The following RDX variants were observed in gnomAD, a reference collection of about 807,000 sequenced individuals.
RDX encodes radixin.
Under a neutral mutation model 83.7 loss-of-function variants are expected in RDX, and 32 were observed. That is an observed-to-expected ratio of 0.38 (90% confidence interval 0.29 to 0.51). The LOEUF (loss-of-function observed/expected upper bound fraction) is 0.51. Ranked by LOEUF, RDX falls within the 20% of genes least tolerant of loss-of-function variation. The probability of loss-of-function intolerance (pLI) is 0.87; values close to 1 mark genes in which losing one functional copy is unlikely to be tolerated. For synonymous variants in RDX, 229 were observed against 222.7 expected (o/e 1.03, Z -0.25); for missense variants, 600 against 689.9 (o/e 0.87, Z 1.46).
Position 110,181,041 on chromosome 11 carries a change from G to A in RDX, c.*32-5807C>T, listed in dbSNP as rs376726592. 1.2e-4 allele frequency among the ~76,000 whole-genome samples: 18 copies of A among 152,232 alleles called. 1 individual carries two copies. In the East Asian group the frequency reaches 3.5e-3, roughly 29 times the overall value. On this transcript the variant is annotated intron_variant, in intron 15 of 15. Coordinates refer to the RDX transcript ENST00000528498. Reference sequence around the variant, plus strand: ...ATATGATGAATGAGTGGACAAAACTGCTTCATTGCCCCATTCCAGGTATCA... The same window carrying A: ...ATATGATGAATGAGTGGACAAAACTACTTCATTGCCCCATTCCAGGTATCA...
intron 10 of RDX, among the ~76,000 whole-genome samples, chr11:110,238,498 T>A (rs996895865): frequency 6.6e-6 from 1 of 152,232 alleles, no homozygotes; most frequent in African/African-American, 2.4e-5. Flanking sequence ...AGAATTATTT[T>A]CCCTTACTGT....
At chr11:110,221,601 AACACACACACACACACACACACACAC>A (rs60766252) in intron 14 of RDX, among the ~76,000 whole-genome samples, 1 of 133,508 alleles carries the variant, frequency 7.5e-6, no homozygotes, top group African/African-American at 2.9e-5. Context: ...CTGTCTCCAA[AACACACACACACACACACACACACAC>A]ACACACACAC....
At chr11:110,234,580 T>C (rs1392423516) in intron 12 of RDX, among the ~76,000 whole-genome samples, 1 of 152,214 alleles carries the variant, frequency 6.6e-6, no homozygotes, top group Admixed American at 6.5e-5. Context: ...TTGTCTTTTG[T>C]GTGCATTTTC....
chr11:110,252,787 T>A (rs955867950), intron 9 of RDX, among the ~76,000 whole-genome samples: 1 of 149,074 alleles, frequency 6.7e-6, no homozygotes, highest in Non-Finnish European at 1.5e-5. Context: ...CTCTTTTTTT[T>A]ATTTTTATTT....
rs2134340393 is a variant in RDX, at chr11:110,247,725, C to T, written c.1068G>A (p.Glu356=). 1.2e-6 allele frequency: 2 copies of T among 1,611,928 alleles called. No homozygotes were observed. The highest frequency in any genetic ancestry group is 1.7e-6 in the Non-Finnish European group (2 of 1,179,450). The part of the protein sequence containing the change: ...ELMERLKQIE[E]QTIKAQKELE... ...TACCTTTCTGAGCTTTAATTGTCTGCTCTTCAATTTGTTTTAGACGTTCCA... is the reference window on the plus strand; with the variant it reads ...TACCTTTCTGAGCTTTAATTGTCTGTTCTTCAATTTGTTTTAGACGTTCCA... The change falls in exon 10 of 14, where the codon GAG becomes GAA. Residue 356 remains glutamate, a synonymous_variant. Coordinates refer to ENST00000645495, the MANE Select transcript of RDX (RefSeq NM_002906.4).
At chr11:110,200,692 A>C (rs1863370762) in intron 14 of RDX, among the ~76,000 whole-genome samples, 1 of 152,198 alleles carries the variant, frequency 6.6e-6, no homozygotes, top group South Asian at 2.1e-4. Context: ...AGAAACTCCA[A>C]ATTTGTCAAA....
intron 14 of RDX, among the ~76,000 whole-genome samples, chr11:110,215,049 A>AAATATAT (rs1355797892): frequency 2.1e-5 from 2 of 97,270 alleles, no homozygotes; most frequent in African/African-American, 7.3e-5. Context: ...AAAAAAAAAA[A>AAATATAT]ATATATATAT....
chr11:110,289,349 T>A (rs1384056465), intron 1 of RDX, among the ~76,000 whole-genome samples: 1 of 151,894 alleles, frequency 6.6e-6, no homozygotes, highest in Non-Finnish European at 1.5e-5. Context: ...GACAATCAAA[T>A]TAAAGGCCAG....
At position 110,255,274 on chromosome 11, in the gene RDX, A is replaced by G; in HGVS notation, c.795+15T>C. 2 of 1,326,996 alleles carry G rather than the reference A, an allele frequency of 1.5e-6. No individual in the cohort carries two copies. Among genetic ancestry groups the G allele is most frequent in the Non-Finnish European group, 1.1e-6 (1 of 921,544 alleles). The allele number at this position is 1,326,996 out of a possible 1,614,324, so 82.2% of individuals were successfully genotyped here. A position where few individuals can be genotyped will look rare whatever the true frequency, so the allele number is the denominator to read the frequency against. Reference sequence around the variant, plus strand: ...TTAAACAGTTAATACACAAAATATTAAAGAAATTACTTACAGGTGCCTTTT... The same window carrying G: ...TTAAACAGTTAATACACAAAATATTGAAGAAATTACTTACAGGTGCCTTTT... On this transcript the variant is annotated intron_variant, in intron 8 of 13. Transcript: ENST00000645495.
rs1200382154 is a variant in RDX at position 110,271,338 on chromosome 11, T to C, written c.96+1198A>G. Among the ~76,000 whole-genome samples, 6 of 152,280 alleles carry C rather than the reference T, an allele frequency of 3.9e-5. 1 individual carries two copies. The East Asian group carries it at 9.6e-4, about 24-fold the overall frequency. On this transcript the variant is annotated intron_variant, in intron 3 of 13. Coordinates refer to ENST00000645495, the MANE Select transcript of RDX (RefSeq NM_002906.4). The stretch of plus-strand genomic sequence containing the variant: ...CTAGAAACTCTTTCCTTCTTTAAGA[T>C]CAAGTTATTCTGACTACAGGCTATT...
chr11:110,219,851 T>C (rs894725899), intron 14 of RDX, among the ~76,000 whole-genome samples: 2 of 152,054 alleles, frequency 1.3e-5, no homozygotes, highest in African/African-American at 4.8e-5. Flanking sequence ...AGGGGAGAAT[T>C]TGGTTAGAGA....
At chr11:110,272,997 T>C (rs1280712034) in intron 2 of RDX, 4 of 456,706 alleles carry the variant, frequency 8.8e-6, no homozygotes, top group Non-Finnish European at 1.8e-5. Context: ...AAGGCCAAGG[T>C]GGGAGGATCT....
At chr11:110,262,758 T>C (rs1449813611) in intron 5 of RDX, among the ~76,000 whole-genome samples, 1 of 152,160 alleles carries the variant, frequency 6.6e-6, no homozygotes, top group Non-Finnish European at 1.5e-5. Flanking sequence ...TTATCCCCAC[T>C]TTGCAGATTT....
At chr11:110,287,017 C>CT (rs1297082591) in intron 1 of RDX, 1 of 152,064 alleles carries the variant, frequency 6.6e-6, no homozygotes, top group African/African-American at 2.4e-5. Flanking sequence ...AATATATATG[C>CT]TTTTTTAATA....
At chr11:110,274,110 T>G (rs1202947397) in intron 2 of RDX, among the ~76,000 whole-genome samples, 2 of 152,216 alleles carry the variant, frequency 1.3e-5, no homozygotes, top group Non-Finnish European at 2.9e-5. Flanking sequence ...AGATTCATCC[T>G]TCTTTAAAAT....
At position 110,279,706 on chromosome 11, in the gene RDX, T is replaced by A; in HGVS notation, c.-14A>T. 6.6e-7 allele frequency: 1 copy of A among 1,522,350 alleles called. No individual in the cohort carries two copies. Among genetic ancestry groups the A allele is most frequent in the East Asian group, 2.3e-5 (1 of 44,324 alleles). 94.3% of individuals were successfully genotyped at this position (1,522,350 alleles called of 1,614,324 possible). ...TGGTTTCGGCATTTTCTTTCTCTTT[T>A]TGTTACCTTCTTTAAAAATTCTCCA... On this transcript the variant is annotated 5_prime_UTR_variant, in exon 2 of 14. Coordinates refer to ENST00000645495, the MANE Select transcript of RDX (RefSeq NM_002906.4).
chr11:110,211,101 C>T (rs984681643), intron 14 of RDX, among the ~76,000 whole-genome samples: 8 of 152,192 alleles, frequency 5.3e-5, no homozygotes, highest in Non-Finnish European at 7.3e-5. Flanking sequence ...AAACCCAACT[C>T]ATGTGCAGAG....
intron 2 of RDX, among the ~76,000 whole-genome samples, chr11:110,273,506 T>C (rs754887202): frequency 6.6e-6 from 1 of 152,252 alleles, no homozygotes; most frequent in Non-Finnish European, 1.5e-5. Flanking sequence ...CTTGATCTCC[T>C]GGACGCAAAC....
intron 14 of RDX, among the ~76,000 whole-genome samples, chr11:110,209,414 G>A: frequency 6.6e-6 from 1 of 151,768 alleles, no homozygotes. Flanking sequence ...GCTGGGGGAG[G>A]GGCGCCCGCC....
Sources: allele counts gnomAD v4.1 joint callset (sites outside exome capture counted in the v4.1 genomes callset), GRCh38; gene constraint gnomAD v4.1.1; transcripts MANE v1.5; gene names NCBI Gene and HGNC (gene_info 2026-07-23, HGNC 2026-07-21).